Variants in CMYA5 observed in about 807,000 individuals in gnomAD.
CMYA5 encodes cardiomyopathy-associated protein 5.
A neutral mutation model predicts 318.9 loss-of-function variants in CMYA5; 246 were observed. That is an observed-to-expected ratio of 0.77 (90% confidence interval 0.70 to 0.86). The LOEUF is 0.86. Among genes scored for constraint, CMYA5 ranks in the 40% least tolerant of loss-of-function variants. The pLI is 0.00. For missense variants in CMYA5, 4,589 were observed against 4,678.2 expected (o/e 0.98, Z 0.56); for synonymous variants, 1,641 against 1,729.5 (o/e 0.95, Z 1.27).
rs1223928362 is a variant in CMYA5, at chr5:79,736,641, A to G, written c.7876A>G (p.Lys2626Glu). The change falls in exon 2 of 13, where the codon AAA becomes GAA. Residue 2626 changes from lysine (K) to glutamate (E), a missense_variant. Around this residue, in one of 3 missense-constraint regions of CMYA5, gnomAD observed 2,431 missense variants for 2,495.1 expected, o/e 0.97. Coordinates refer to ENST00000446378, the MANE Select transcript of CMYA5 (RefSeq NM_153610.5). Reference protein sequence around the residue: ...GTQPHPLEESKVLVEKTKTFL... With the variant: ...GTQPHPLEESEVLVEKTKTFL... ...CCAACCACATCCTTTAGAAGAAAGT[A>G]AAGTTTTGGTGGAGAAAACCAAGAC... is the stretch of plus-strand genomic sequence containing the variant. 2 of 1,613,840 alleles carry G rather than the reference A, an allele frequency of 1.2e-6. No individual in the cohort carries two copies. The highest frequency in any genetic ancestry group is 1.1e-5 in the South Asian group (1 of 91,070).
chr5:79,709,243 T>A (rs1311813817), intron 1 of CMYA5, among the ~76,000 whole-genome samples: 2 of 152,134 alleles, frequency 1.3e-5, no homozygotes, highest in Non-Finnish European at 2.9e-5. Flanking sequence ...CTGAAAAAAT[T>A]ATTTTGCTTT....
At position 79,735,016 on chromosome 5, in the gene CMYA5, G is replaced by T. The variant is rs1356106374; in HGVS notation, c.6251G>T (p.Gly2084Val). ...FPAEGVEPAL[G>V]NEKEAHRSTP... ...GCAGAAGGTGTGGAACCTGCATTGGGCAATGAAAAAGAAGCACACAGGAGC... is the reference window on the plus strand; with the variant it reads ...GCAGAAGGTGTGGAACCTGCATTGGTCAATGAAAAAGAAGCACACAGGAGC... The change falls in exon 2 of 13, where the codon GGC becomes GTC. Residue 2084 changes from glycine to valine, a missense_variant. Coordinates refer to ENST00000446378, the MANE Select transcript of CMYA5 (RefSeq NM_153610.5). The T allele has an allele frequency of 1.2e-6, 2 of 1,613,550 alleles. No individual in the cohort carries two copies. Among genetic ancestry groups the T allele is most frequent in the Non-Finnish European group, 1.7e-6 (2 of 1,179,776 alleles).
Position 79,737,696 on chromosome 5 carries a change from A to G in CMYA5, c.8931A>G (p.Leu2977=). Residue 2977 remains leucine, a synonymous_variant, in exon 2 of 13, where the codon TTA becomes TTG. Transcript: ENST00000446378. ...AAAGTGAACAAATGCAAGATAAATT[A>G]GAATATTTGGAAGAGAAAGCCTCAT... ...QEESEQMQDK[L]EYLEEKASFK... is the part of the protein sequence containing the mutation. The G allele has an allele frequency of 6.2e-7, 1 of 1,612,432 alleles. No individual in the cohort carries two copies. Among genetic ancestry groups the G allele is most frequent in the Non-Finnish European group, 8.5e-7 (1 of 1,179,480 alleles).
intron 12 of CMYA5, among the ~76,000 whole-genome samples, 154 bp from the exon 13 acceptor site, chr5:79,799,216 A>T (rs539353779): frequency 7.9e-4 from 114 of 145,018 alleles, no homozygotes; most frequent in Non-Finnish European, 1.4e-3. Context: ...AGCATCTAGA[A>T]GAAATCTAGT....
chr5:79,733,764 T>A lies in CMYA5; in HGVS notation c.4999T>A (p.Ser1667Thr). The A allele has an allele frequency of 6.2e-7, 1 of 1,613,440 alleles. No homozygotes were observed. Among genetic ancestry groups the A allele is most frequent in the East Asian group, 2.2e-5 (1 of 44,872 alleles). Residue 1667 changes from serine to threonine, a missense_variant, in exon 2 of 13, where the codon TCT becomes ACT. Around this residue, in one of 3 missense-constraint regions of CMYA5, gnomAD observed 2,132 missense variants for 2,131.3 expected, o/e 1.00. Transcript: ENST00000446378. ...AKSPITETEDSVLEKGPAELR... is the reference protein window; with the variant it reads ...AKSPITETEDTVLEKGPAELR... ...GTCTCCCATAACTGAAACAGAGGAT[T>A]CTGTTTTAGAAAAAGGCCCAGCTGA...
chr5:79,767,194 C>T (rs1460684023), intron 9 of CMYA5, among the ~76,000 whole-genome samples: 4 of 152,124 alleles, frequency 2.6e-5, no homozygotes, highest in African/African-American at 2.4e-5. Context: ...ATTCTTGTCT[C>T]TATTCTTCTT....
Position 79,735,950 on chromosome 5 carries a change from T to G in CMYA5, c.7185T>G (p.Phe2395Leu). ...AGCCAAAATCAGCTTCCTCCAACTT[T>G]GCAAGTAAAAATATCACAAAGGAAT... ...PQQPKSASSN[F>L]ASKNITKESE... Residue 2395 changes from phenylalanine to leucine, a missense_variant, in exon 2 of 13, where the codon TTT becomes TTG. Transcript: ENST00000446378. The G allele has an allele frequency of 6.2e-7, 1 of 1,611,932 alleles. No homozygotes were observed. The highest frequency in any genetic ancestry group is 8.5e-7 in the Non-Finnish European group (1 of 1,179,328).
rs775024795 is a variant in CMYA5 at position 79,791,069 on chromosome 5, A to G, written c.11789A>G (p.Glu3930Gly). 1.2e-6 allele frequency: 2 copies of G among 1,609,112 alleles called. No homozygotes were observed. The highest frequency in any genetic ancestry group is 1.7e-6 in the Non-Finnish European group (2 of 1,175,984). The stretch of plus-strand genomic sequence containing the variant: ...TTTGGTGAGAGGAGACGGCTGACGG[A>G]GTAAGTAGAAGAAGAAAGCACAAGT... ...ISFGERRRLT[E>G]IPSVLGEELP... Residue 3930 changes from glutamate to glycine, a missense_variant and splice_region_variant, in exon 11 of 13, where the codon GAA becomes GGA. By Grantham distance (98) the Glu-to-Gly change is moderately conservative. Around this residue, in one of 3 missense-constraint regions of CMYA5, gnomAD observed 2,431 missense variants for 2,495.1 expected, o/e 0.97. Coordinates refer to ENST00000446378, the MANE Select transcript of CMYA5 (RefSeq NM_153610.5).
chr5:79,740,657 C>T (rs949016662), intron 2 of CMYA5, among the ~76,000 whole-genome samples: 1 of 152,098 alleles, frequency 6.6e-6, no homozygotes, highest in African/African-American at 2.4e-5. Flanking sequence ...AACATGTATC[C>T]TCCTGTAAGT....
At chr5:79,725,533 A>G (rs139291360) in intron 1 of CMYA5, among the ~76,000 whole-genome samples, 13 of 152,308 alleles carry the variant, frequency 8.5e-5, no homozygotes, top group African/African-American at 3.1e-4. Flanking sequence ...GGGTGATGGG[A>G]TTAATAGAAG....
intron 1 of CMYA5, among the ~76,000 whole-genome samples, chr5:79,695,157 A>G (rs1335534976): frequency 6.6e-6 from 1 of 152,212 alleles, no homozygotes; most frequent in Admixed American, 6.5e-5. Context: ...TTTTTTAGTC[A>G]TTAAACCAAA....
At chr5:79,692,962 C>G (rs1056965161) in intron 1 of CMYA5, among the ~76,000 whole-genome samples, 1 of 152,164 alleles carries the variant, frequency 6.6e-6, no homozygotes, top group African/African-American at 2.4e-5. Context: ...CATTACTGTC[C>G]TCATATTCAC....
intron 9 of CMYA5, among the ~76,000 whole-genome samples, chr5:79,778,847 A>C (rs1473118285): frequency 2.4e-5 from 1 of 42,414 alleles, no homozygotes; most frequent in African/African-American, 1.7e-4. Context: ...ATGTTTATTC[A>C]CTCATGTTTT....
rs113428024 is a variant in CMYA5 at position 79,763,212 on chromosome 5, G to A, written c.11555+3G>A. On this transcript the variant is annotated splice_donor_region_variant and intron_variant, in intron 9 of 12. Coordinates refer to ENST00000446378, the MANE Select transcript of CMYA5 (RefSeq NM_153610.5). Reference sequence around the variant, plus strand: ...TCTCCTGAGGGAGAGGGCCTCAGGTGAGGGGCCCTCTCCATGGGAGAGACT... The same window carrying A: ...TCTCCTGAGGGAGAGGGCCTCAGGTAAGGGGCCCTCTCCATGGGAGAGACT... The A allele has an allele frequency of 6.3e-7, 1 of 1,595,848 alleles. No individual in the cohort carries two copies. The highest frequency in any genetic ancestry group is 1.3e-5 in the African/African-American group (1 of 74,570).
At chr5:79,743,069 A>G (rs1253313281) in intron 2 of CMYA5, among the ~76,000 whole-genome samples, 2 of 152,194 alleles carry the variant, frequency 1.3e-5, no homozygotes, top group Non-Finnish European at 2.9e-5. Flanking sequence ...GGTAAGGGCC[A>G]TAGAGGGAAG....
rs780916200 is a variant in CMYA5, at chr5:79,738,236, A to G, written c.9471A>G (p.Leu3157=). Residue 3157 remains leucine (L), a synonymous_variant, in exon 2 of 13, where the codon TTA becomes TTG. Coordinates refer to ENST00000446378, the MANE Select transcript of CMYA5 (RefSeq NM_153610.5). ...ACTCAAAGTCACCGGGGATGCCTTT[A>G]TTTGAAGCAGAGGAAGGAGTTCTAT... The part of the protein sequence containing the change: ...DVDSKSPGMP[L]FEAEEGVLSR... 17 of 1,613,750 alleles carry G rather than the reference A, an allele frequency of 1.1e-5. No individual in the cohort carries two copies. The South Asian group carries it at 1.9e-4, about 18-fold the overall frequency.
chr5:79,757,592 A>G (rs1828555838), intron 6 of CMYA5, among the ~76,000 whole-genome samples: 1 of 152,216 alleles, frequency 6.6e-6, no homozygotes, highest in Admixed American at 6.5e-5. Flanking sequence ...GTATTTTGAT[A>G]TTTTATTTTT....
intron 11 of CMYA5, among the ~76,000 whole-genome samples, chr5:79,792,097 A>G (rs909763936): frequency 6.6e-6 from 1 of 152,224 alleles, no homozygotes; most frequent in Admixed American, 6.5e-5. Flanking sequence ...GTCTGTGGCC[A>G]AGCTCAGGTG....
chr5:79,729,209 A>G lies in CMYA5; in HGVS notation c.444A>G (p.Lys148=), dbSNP rs1477447422. ...SKHGSPSLRR[K]GNRKRNSFES... is the part of the protein sequence containing the mutation. Reference sequence around the variant, plus strand: ...ATGGTTCACCATCATTACGCCGGAAAGGCAACAGAAAAAGAAATTCTTTTG... The same window carrying G: ...ATGGTTCACCATCATTACGCCGGAAGGGCAACAGAAAAAGAAATTCTTTTG... Residue 148 remains lysine, a synonymous_variant, in exon 2 of 13, where the codon AAA becomes AAG. Coordinates refer to ENST00000446378, the MANE Select transcript of CMYA5 (RefSeq NM_153610.5). 6.2e-7 allele frequency: 1 copy of G among 1,612,844 alleles called. No individual in the cohort carries two copies. The highest frequency in any genetic ancestry group is 8.5e-7 in the Non-Finnish European group (1 of 1,179,634).
Sources: gnomAD v4.1 joint callset for allele counts (sites outside exome capture counted in the v4.1 genomes callset) on GRCh38, gnomAD v4.1.1 for gene constraint, gnomAD v4.1.1 regional missense constraint, MANE v1.5 for transcripts, NCBI Gene and HGNC (gene_info 2026-07-23, HGNC 2026-07-21) for gene names.